Variants in SOX5 observed in about 807,000 individuals in gnomAD.
SOX5 encodes transcription factor SOX-5.
A neutral mutation model predicts 92.0 loss-of-function variants in SOX5; 9 were observed. The observed-to-expected ratio is 0.10, with a 90% confidence interval of 0.06 to 0.17. The LOEUF (loss-of-function observed/expected upper bound fraction) is 0.17, where lower values mean the gene tolerates loss of function less well. Ranked by LOEUF, SOX5 falls within the 10% of genes least tolerant of loss-of-function variation. The pLI is 1.00. For synonymous variants in SOX5, 344 were observed against 336.3 expected (o/e 1.02, Z -0.25); for missense variants, 642 against 944.5 (o/e 0.68, Z 4.20).
intron 4 of SOX5, among the ~76,000 whole-genome samples, chr12:24,148,481 CAAAAAAAA>C (rs34951170): frequency 3.7e-5 from 2 of 53,590 alleles, no homozygotes; most frequent in Admixed American, 2.6e-4. Context: ...GGCTCCATGT[CAAAAAAAA>C]AAAAAAAAAA....
chr12:24,202,897 C>T (rs1273184344), intron 4 of SOX5, among the ~76,000 whole-genome samples: 1 of 152,110 alleles, frequency 6.6e-6, no homozygotes, highest in Admixed American at 6.5e-5. Flanking sequence ...AAAGTTACTA[C>T]TTTCCTTTTA....
chr12:24,085,614 A>G (rs1943892974), intron 4 of SOX5, among the ~76,000 whole-genome samples: 1 of 152,094 alleles, frequency 6.6e-6, no homozygotes, highest in Non-Finnish European at 1.5e-5. Context: ...TAAGTCCCAC[A>G]TACACCTTAG....
rs183338484 is a variant in SOX5 at position 24,554,838 on chromosome 12, A to T, written c.-251+7491T>A. ...CCCGCCGACTCTGGCCCAAAAAAAT[A>T]GCAACAACTCAATTCTCAGTCCAAT... On this transcript the variant is annotated intron_variant, in intron 1 of 4. Coordinates refer to the SOX5 transcript ENST00000446891. Among the ~76,000 whole-genome samples, 7 of 152,342 alleles carry T rather than the reference A, an allele frequency of 4.6e-5. No individual in the cohort carries two copies. The East Asian group carries it at 1.3e-3, about 29-fold the overall frequency.
At chr12:23,834,954 GATTTT>G (rs939230479) in intron 3 of SOX5, among the ~76,000 whole-genome samples, 1 of 151,834 alleles carries the variant, frequency 6.6e-6, no homozygotes, top group Non-Finnish European at 1.5e-5. Context: ...TATCTGTAAG[GATTTT>G]ATTTTAATTG....
chr12:23,849,437 T>C (rs2096607587), intron 2 of SOX5, among the ~76,000 whole-genome samples: 1 of 152,144 alleles, frequency 6.6e-6, no homozygotes, highest in African/African-American at 2.4e-5. Flanking sequence ...CATAGCTGGA[T>C]AAACTGAGGC....
rs533509811 is a variant in SOX5, at chr12:23,793,712, T to C, written c.482-37988A>G. On this transcript the variant is annotated intron_variant, in intron 3 of 14. Transcript: ENST00000451604. ...AAATTAAATGTCCATATATCATAACTACAGGGTACAGCCAGAAGCAACATA... is the reference window on the plus strand; with the variant it reads ...AAATTAAATGTCCATATATCATAACCACAGGGTACAGCCAGAAGCAACATA... Among the ~76,000 whole-genome samples the C allele has an allele frequency of 5.9e-5, 9 of 152,308 alleles. No individual in the cohort carries two copies. The South Asian group carries it at 1.9e-3, about 32-fold the overall frequency.
intron 4 of SOX5, among the ~76,000 whole-genome samples, chr12:24,004,774 A>G (rs1472644798): frequency 6.6e-6 from 1 of 152,186 alleles, no homozygotes; most frequent in Non-Finnish European, 1.5e-5. Context: ...GGATATCCAA[A>G]GAAATTAAAC....
At chr12:23,649,613 T>A (rs1452653011) in intron 7 of SOX5, among the ~76,000 whole-genome samples, 2 of 152,138 alleles carry the variant, frequency 1.3e-5, no homozygotes, top group African/African-American at 4.8e-5. Flanking sequence ...ACTAAAATTT[T>A]TCAAAAAGCT....
chr12:24,436,335 C>G (rs1596608583), intron 1 of SOX5, among the ~76,000 whole-genome samples: 1 of 152,178 alleles, frequency 6.6e-6, no homozygotes, highest in Non-Finnish European at 1.5e-5. Context: ...AAAGGTGCTA[C>G]TGCAGTGAAT....
At chr12:24,013,034 T>C (rs981974623) in intron 4 of SOX5, among the ~76,000 whole-genome samples, 10 of 152,150 alleles carry the variant, frequency 6.6e-5, no homozygotes, top group Non-Finnish European at 1.3e-4. Context: ...TTATCCAACA[T>C]GAACAAAAAA....
chr12:24,325,105 T>G (rs1267386355), intron 2 of SOX5, among the ~76,000 whole-genome samples: 1 of 152,012 alleles, frequency 6.6e-6, no homozygotes, highest in Admixed American at 6.6e-5. Flanking sequence ...TTAGAAAAAT[T>G]ACTTAATCTC....
chr12:23,618,851 G>A lies in SOX5; in HGVS notation c.1018-14318C>T, dbSNP rs973728998. 2.6e-5 allele frequency among the ~76,000 whole-genome samples: 4 copies of A among 152,214 alleles called. No homozygotes were observed. The East Asian group carries it at 7.7e-4, about 29-fold the overall frequency. On this transcript the variant is annotated intron_variant, in intron 8 of 14. Coordinates refer to ENST00000451604, the MANE Select transcript of SOX5 (RefSeq NM_006940.6). ...ATTAAATTCATCTCTTTTGCAGTGG[G>A]ATAGAGGTGGAATCCCCCACCTGCT... is the stretch of plus-strand genomic sequence containing the variant.
chr12:24,078,150 G>A (rs568686340), intron 4 of SOX5, among the ~76,000 whole-genome samples: 30 of 151,872 alleles, frequency 2.0e-4, no homozygotes, highest in Admixed American at 1.5e-3. Flanking sequence ...GTTACCTATC[G>A]TTTGCTTATT....
chr12:23,886,705 A>G (rs978193695), intron 2 of SOX5, among the ~76,000 whole-genome samples: 4 of 152,146 alleles, frequency 2.6e-5, no homozygotes, highest in Non-Finnish European at 4.4e-5. Context: ...TAAACTTTTT[A>G]CCAATCTCTA....
chr12:23,965,912 C>T (rs989583900), intron 4 of SOX5, among the ~76,000 whole-genome samples: 1 of 152,110 alleles, frequency 6.6e-6, no homozygotes, highest in African/African-American at 2.4e-5. Context: ...AGCCACCATG[C>T]CCAGCCATTT....
At chr12:23,700,181 G>A (rs568901652) in intron 6 of SOX5, among the ~76,000 whole-genome samples, 3 of 152,120 alleles carry the variant, frequency 2.0e-5, no homozygotes, top group Admixed American at 2.0e-4. Flanking sequence ...AATACGAGTG[G>A]AATTTATATC....
intron 2 of SOX5, among the ~76,000 whole-genome samples, chr12:24,331,862 A>AT (rs1951359388): frequency 6.7e-6 from 1 of 149,934 alleles, no homozygotes; most frequent in Admixed American, 6.6e-5. Context: ...AAAAAAAAAA[A>AT]AAAAAAAAAA....
At chr12:23,613,740 C>A (rs2076232455) in intron 8 of SOX5, among the ~76,000 whole-genome samples, 1 of 152,254 alleles carries the variant, frequency 6.6e-6, no homozygotes, top group Non-Finnish European at 1.5e-5. Context: ...AGGTATTATG[C>A]TATGCTAAGC....
intron 4 of SOX5, among the ~76,000 whole-genome samples, chr12:24,077,310 A>G (rs561381555): frequency 6.1e-4 from 93 of 152,192 alleles, no homozygotes; most frequent in Non-Finnish European, 1.1e-3. Context: ...CAACACATTC[A>G]AGGGCTTTTC....
Sources: gnomAD v4.1 joint callset for allele counts (sites outside exome capture counted in the v4.1 genomes callset) on GRCh38, gnomAD v4.1.1 for gene constraint, MANE v1.5 for transcripts, NCBI Gene and HGNC (gene_info 2026-07-23, HGNC 2026-07-21) for gene names.